CHD9: variants seen among roughly 807,000 people sequenced by gnomAD.
CHD9 encodes ATP-dependent chromatin remodeler CHD9.
CHD9 carries 77 observed loss-of-function variants against 316.1 expected under a neutral mutation model. The observed-to-expected ratio is 0.24, with a 90% CI of 0.20 to 0.29. The LOEUF (loss-of-function observed/expected upper bound fraction) is 0.29. Ranked by LOEUF, CHD9 falls within the 10% of genes least tolerant of loss-of-function variation. The pLI, the probability that CHD9 is intolerant of heterozygous loss-of-function variation, is 1.00. For missense variants in CHD9, 2,763 were observed against 3,438.1 expected (o/e 0.80, Z 4.91); for synonymous variants, 1,129 against 1,158.3 (o/e 0.97, Z 0.51).
chr16:53,155,613 A>T (rs1022122663), intron 1 of CHD9, among the ~76,000 whole-genome samples: 4 of 152,202 alleles, frequency 2.6e-5, no homozygotes, highest in Non-Finnish European at 4.4e-5. Flanking sequence ...AGAGTTGTTT[A>T]TCCATTACCA....
chr16:53,136,793 G>A (rs1052405505), intron 1 of CHD9, among the ~76,000 whole-genome samples: 3 of 152,188 alleles, frequency 2.0e-5, no homozygotes, highest in South Asian at 4.2e-4. Flanking sequence ...CACCCTGAAA[G>A]CTTTCCTTAT....
At chr16:53,276,568 A>G (rs893019575) in intron 24 of CHD9, among the ~76,000 whole-genome samples, 1 of 152,150 alleles carries the variant, frequency 6.6e-6, no homozygotes, top group African/African-American at 2.4e-5. Context: ...ATGTCCACCT[A>G]TTCCTTCAAG....
intron 1 of CHD9, among the ~76,000 whole-genome samples, chr16:53,130,687 A>G (rs1292103985): frequency 1.3e-5 from 2 of 150,984 alleles, no homozygotes; most frequent in Admixed American, 6.6e-5. Flanking sequence ...CGGCGGGGCC[A>G]TGTTGGAGCG....
chr16:53,126,351 A>G (rs2038967788), intron 1 of CHD9, among the ~76,000 whole-genome samples: 1 of 152,214 alleles, frequency 6.6e-6, no homozygotes, highest in African/African-American at 2.4e-5. Flanking sequence ...TCAATTGACC[A>G]TCAATTGACC....
intron 1 of CHD9, among the ~76,000 whole-genome samples, chr16:53,088,708 A>G (rs1462431347): frequency 1.3e-5 from 2 of 152,066 alleles, no homozygotes; most frequent in African/African-American, 2.4e-5. Flanking sequence ...GGCCAGGCAT[A>G]GTGGCTTATT....
chr16:53,082,200 TTTTA>T (rs142613847), intron 1 of CHD9, among the ~76,000 whole-genome samples: 70,977 of 140,664 alleles, frequency 0.5, 17,992 homozygotes, highest in African/African-American at 0.55. Context: ...CAGGAGAACA[TTTTA>T]TTTATTTATT....
chr16:53,182,722 AAGG>A (rs1328037039), intron 2 of CHD9, among the ~76,000 whole-genome samples: 1 of 152,228 alleles, frequency 6.6e-6, no homozygotes, highest in Non-Finnish European at 1.5e-5. Context: ...TTTGAGCTAA[AAGG>A]AGGAAATCCA....
At chr16:53,310,890 T>TC (rs1366115250) in intron 34 of CHD9, 19 of 147,834 alleles carry the variant, frequency 1.3e-4, no homozygotes, top group African/African-American at 4.5e-4. Flanking sequence ...ATAATAATAA[T>TC]ATCAATAGTA....
In CHD9 at chr16:53,209,298, T is replaced by C. The variant is rs755165704; in HGVS notation, c.1453-184T>C. 9.2e-5 allele frequency among the ~76,000 whole-genome samples: 14 copies of C among 152,174 alleles called. 1 individual carries two copies. Among genetic ancestry groups the C allele is most frequent in the Non-Finnish European group, 1.9e-4 (13 of 68,016 alleles). Reference sequence around the variant, plus strand: ...TAACCTTCATTTTTAAAAGTAGCAATTGAGCTGTTTATATCTGTACTAATT... The same window carrying C: ...TAACCTTCATTTTTAAAAGTAGCAACTGAGCTGTTTATATCTGTACTAATT... On this transcript the variant is annotated intron_variant, in intron 2 of 38. Coordinates refer to ENST00000447540, the MANE Select transcript of CHD9 (RefSeq NM_001308319.2).
intron 3 of CHD9, among the ~76,000 whole-genome samples, chr16:53,212,281 T>C (rs1567488873): frequency 6.6e-6 from 1 of 151,880 alleles, no homozygotes; most frequent in African/African-American, 2.4e-5. Context: ...GGTGGGCACC[T>C]GTAGTGCCAG....
intron 31 of CHD9, among the ~76,000 whole-genome samples, chr16:53,305,776 A>T (rs1369199842): frequency 6.6e-6 from 1 of 152,190 alleles, no homozygotes; most frequent in African/African-American, 2.4e-5. Flanking sequence ...CTCTTGTAAC[A>T]ACTCCATAGG....
chr16:53,232,296 G>T (rs868520322), intron 10 of CHD9, among the ~76,000 whole-genome samples: 1 of 152,104 alleles, frequency 6.6e-6, no homozygotes, highest in Non-Finnish European at 1.5e-5. Context: ...TTGGGGTGGG[G>T]TCTATGCCTT....
chr16:53,120,062 C>CA (rs576729596), intron 1 of CHD9, among the ~76,000 whole-genome samples: 32,081 of 136,948 alleles, frequency 0.23, 4,252 homozygotes, highest in Non-Finnish European at 0.31. Context: ...CCCATCTCCA[C>CA]AAAAAAAAAA....
At chr16:53,289,187 A>G (rs1300320624) in intron 27 of CHD9, among the ~76,000 whole-genome samples, 2 of 152,322 alleles carry the variant, frequency 1.3e-5, no homozygotes, top group East Asian at 3.9e-4. Context: ...CATTAAAGAA[A>G]GAACCAGGAA....
intron 20 of CHD9, among the ~76,000 whole-genome samples, chr16:53,264,148 T>G (rs1172527153): frequency 6.6e-6 from 1 of 152,148 alleles, no homozygotes. Context: ...TTTAAACATT[T>G]TAATAGTTCG....
At chr16:53,094,208 G>A (rs1207933838) in intron 1 of CHD9, among the ~76,000 whole-genome samples, 2 of 152,220 alleles carry the variant, frequency 1.3e-5, no homozygotes, top group Non-Finnish European at 2.9e-5. Context: ...GTTTCTGGTA[G>A]TGTGCCTGGA....
intron 1 of CHD9, among the ~76,000 whole-genome samples, chr16:53,075,061 C>T (rs1031729757): frequency 2.0e-5 from 3 of 152,204 alleles, no homozygotes; most frequent in African/African-American, 7.2e-5. Context: ...CACAGTAACC[C>T]ACCTCTTGCA....
At chr16:53,083,849 C>T (rs966031130) in intron 1 of CHD9, among the ~76,000 whole-genome samples, 2 of 152,058 alleles carry the variant, frequency 1.3e-5, no homozygotes, top group African/African-American at 4.8e-5. Context: ...CTCATGGCCT[C>T]AAGCGATCCT....
chr16:53,087,398 CTG>C (rs1463360586), intron 1 of CHD9, among the ~76,000 whole-genome samples: 7 of 152,162 alleles, frequency 4.6e-5, no homozygotes, highest in African/African-American at 1.4e-4. Context: ...GACTTGAAGT[CTG>C]TGACTAAGCT....
Sources: gnomAD v4.1 joint callset for allele counts (sites outside exome capture counted in the v4.1 genomes callset) on GRCh38, gnomAD v4.1.1 for gene constraint, MANE v1.5 for transcripts, NCBI Gene and HGNC (gene_info 2026-07-23, HGNC 2026-07-21) for gene names.